The following BRD10 variants were observed in gnomAD, a reference collection of about 807,000 sequenced individuals.
The protein encoded by BRD10 is bromodomain containing 10.
the BRD10 span, among the ~76,000 whole-genome samples, chr9:5,930,401 C>T: frequency 4.0e-5 from 5 of 124,992 alleles, no homozygotes; most frequent in Non-Finnish European, 8.3e-5. Context: ...ATATGACCTT[C>T]AAATTTGTCA....
chr9:5,911,813 G>A, the BRD10 span, among the ~76,000 whole-genome samples: 1 of 152,104 alleles, frequency 6.6e-6, no homozygotes, highest in Non-Finnish European at 1.5e-5. Flanking sequence ...GGGATTACAG[G>A]CACGAGCCAC....
chr9:5,945,037 AAC>A, the BRD10 span: 1 of 590,530 alleles, frequency 1.7e-6, no homozygotes, highest in Non-Finnish European at 2.9e-6. Flanking sequence ...AAGTTGTTTT[AAC>A]ACACACTGAA....
At chr9:5,891,939 G>T in the BRD10 span, among the ~76,000 whole-genome samples, 4 of 152,162 alleles carry the variant, frequency 2.6e-5, no homozygotes, top group African/African-American at 9.7e-5. Context: ...ATGCACCCTC[G>T]CGAGGCACAG....
At chr9:5,984,539 A>AT in the BRD10 span, among the ~76,000 whole-genome samples, 5 of 152,230 alleles carry the variant, frequency 3.3e-5, no homozygotes, top group African/African-American at 1.2e-4. Context: ...AAGGGACATA[A>AT]TAAGAAAGAA....
At chr9:5,948,485 G>T in the BRD10 span, among the ~76,000 whole-genome samples, 1 of 151,794 alleles carries the variant, frequency 6.6e-6, no homozygotes, top group African/African-American at 2.4e-5. Context: ...GTGGGAGTGG[G>T]GAGGCCCTGT....
At chr9:5,972,018 A>T in the BRD10 span, among the ~76,000 whole-genome samples, 1 of 152,288 alleles carries the variant, frequency 6.6e-6, no homozygotes, top group South Asian at 2.1e-4. Flanking sequence ...CACACTAAGA[A>T]ATGAGTTTAA....
the BRD10 span, chr9:5,929,295 G>GA: frequency 4.0e-6 from 2 of 505,468 alleles, no homozygotes; most frequent in Non-Finnish European, 7.0e-6. Flanking sequence ...CAGAAAGGGG[G>GA]AAAATATCCT....
At chr9:5,895,887 G>C in the BRD10 span, among the ~76,000 whole-genome samples, 1 of 152,254 alleles carries the variant, frequency 6.6e-6, no homozygotes, top group South Asian at 2.1e-4. Context: ...ACGTGACCAT[G>C]CATAAAGTGC....
chr9:6,008,250 C>T, the BRD10 span: 4 of 982,848 alleles, frequency 4.1e-6, no homozygotes, highest in East Asian at 1.1e-4. Flanking sequence ...GGCTCCTCCT[C>T]TCCCTCACAC....
the BRD10 span, among the ~76,000 whole-genome samples, chr9:5,958,349 TAAG>T: frequency 6.6e-6 from 1 of 152,224 alleles, no homozygotes; most frequent in African/African-American, 2.4e-5. Context: ...TTTCTTTACA[TAAG>T]AAGGTGATTA....
chr9:5,922,618 T>C, the BRD10 span: 1 of 1,613,994 alleles, frequency 6.2e-7, no homozygotes, highest in Non-Finnish European at 8.5e-7. Context: ...TCTGTTGAAG[T>C]GGTGGCACTT....
the BRD10 span, among the ~76,000 whole-genome samples, chr9:5,993,304 G>C: frequency 9.4e-6 from 1 of 105,974 alleles, no homozygotes; most frequent in Non-Finnish European, 1.9e-5. Flanking sequence ...GACAGAGTGA[G>C]ACTCCATTAA....
At chr9:5,905,818 C>T in the BRD10 span, among the ~76,000 whole-genome samples, 1 of 152,162 alleles carries the variant, frequency 6.6e-6, no homozygotes, top group East Asian at 1.9e-4. Flanking sequence ...AATCATAACC[C>T]AACCACCTCA....
At chr9:6,004,223 T>C in the BRD10 span, among the ~76,000 whole-genome samples, 3 of 152,256 alleles carry the variant, frequency 2.0e-5, no homozygotes, top group East Asian at 5.8e-4. Context: ...TTCCTTTAAA[T>C]TCCTCTTGTA....
chr9:5,933,933 TAAC>T, the BRD10 span: 1 of 451,266 alleles, frequency 2.2e-6, no homozygotes, highest in Non-Finnish European at 4.5e-6. Context: ...AAATGTCTCA[TAAC>T]AACAAATATA....
chr9:5,914,366 G>C, the BRD10 span, among the ~76,000 whole-genome samples: 1 of 142,002 alleles, frequency 7.0e-6, no homozygotes, highest in African/African-American at 2.6e-5. Flanking sequence ...ATTCAAGCCT[G>C]AAAGAATTAC....
At chr9:6,000,572 G>C in the BRD10 span, among the ~76,000 whole-genome samples, 1 of 151,978 alleles carries the variant, frequency 6.6e-6, no homozygotes, top group Non-Finnish European at 1.5e-5. Flanking sequence ...AAACTATAAG[G>C]CAAAATACAT....
the BRD10 span, chr9:5,920,569 T>C: frequency 6.2e-7 from 1 of 1,613,864 alleles, no homozygotes; most frequent in Non-Finnish European, 8.5e-7. Flanking sequence ...GGGACGACAA[T>C]TCAGTTTGAG....
chr9:5,983,630 G>C, the BRD10 span, among the ~76,000 whole-genome samples: 1 of 152,086 alleles, frequency 6.6e-6, no homozygotes, highest in African/African-American at 2.4e-5. Context: ...CACTGGATTA[G>C]ACACTGCAGA....
Sources: allele counts gnomAD v4.1 joint callset (sites outside exome capture counted in the v4.1 genomes callset), GRCh38; gene constraint gnomAD v4.1.1; transcripts MANE v1.5; gene names NCBI Gene and HGNC (gene_info 2026-07-23, HGNC 2026-07-21).